Variants in IGFBPL1 observed in about 807,000 individuals in gnomAD.
IGFBPL1 encodes the protein insulin-like growth factor-binding protein-like 1.
Under a neutral mutation model 23.9 loss-of-function variants are expected in IGFBPL1, and 20 were observed. The ratio of observed to expected loss-of-function variants is 0.84; its 90% CI spans 0.59 to 1.22. The LOEUF (loss-of-function observed/expected upper bound fraction) is 1.22, where lower values mean the gene tolerates loss of function less well. IGFBPL1 is among the 50% of genes most tolerant of loss of function. The pLI, the probability that IGFBPL1 is intolerant of heterozygous loss-of-function variation, is 0.00. For missense variants in IGFBPL1, 436 were observed against 379.3 expected (o/e 1.15, Z -1.24); for synonymous variants, 184 against 171.8 (o/e 1.07, Z -0.56).
intron 1 of IGFBPL1, among the ~76,000 whole-genome samples, chr9:38,420,783 G>A (rs1821668651): frequency 6.6e-6 from 1 of 152,116 alleles, no homozygotes; most frequent in South Asian, 2.1e-4. Flanking sequence ...CTTGCAGTGA[G>A]CCAAGATCAC....
intron 1 of IGFBPL1, among the ~76,000 whole-genome samples, chr9:38,423,614 C>A (rs1821713057): frequency 6.6e-6 from 1 of 152,050 alleles, no homozygotes; most frequent in Non-Finnish European, 1.5e-5. Context: ...CCCATTCAAA[C>A]AATCCACCTA....
chr9:38,418,662 G>A (rs1345730732), intron 1 of IGFBPL1, among the ~76,000 whole-genome samples: 1 of 152,162 alleles, frequency 6.6e-6, no homozygotes, highest in Non-Finnish European at 1.5e-5. Flanking sequence ...GCTTGCAGGA[G>A]GGAGGATGGC....
intron 3 of IGFBPL1, among the ~76,000 whole-genome samples, chr9:38,412,054 G>A (rs1821520734): frequency 2.0e-5 from 3 of 152,148 alleles, no homozygotes; most frequent in Admixed American, 1.3e-4. Flanking sequence ...GGGTGGAGAA[G>A]AGTCACCAAG....
At chr9:38,422,957 T>G (rs571544830) in intron 1 of IGFBPL1, among the ~76,000 whole-genome samples, 1 of 152,226 alleles carries the variant, frequency 6.6e-6, no homozygotes, top group East Asian at 1.9e-4. Flanking sequence ...GTCTCTGGGC[T>G]CAGGCCAGAA....
chr9:38,417,313 C>G (rs969393875), intron 1 of IGFBPL1, among the ~76,000 whole-genome samples: 2 of 152,184 alleles, frequency 1.3e-5, no homozygotes, highest in Non-Finnish European at 2.9e-5. Flanking sequence ...CCTAGAGGAC[C>G]CTTCCACGTA....
chr9:38,414,296 A>G, intron 1 of IGFBPL1, 93 bp from the exon 2 acceptor site: 2 of 687,856 alleles, frequency 2.9e-6, no homozygotes, highest in South Asian at 1.8e-5. Flanking sequence ...GCCCGCTGTG[A>G]TGTCCTGACA....
intron 1 of IGFBPL1, among the ~76,000 whole-genome samples, chr9:38,415,694 A>G (rs1382881117): frequency 6.6e-6 from 1 of 152,128 alleles, no homozygotes; most frequent in East Asian, 1.9e-4. Flanking sequence ...CCACCTACGG[A>G]GCCAGGCCAT....
chr9:38,414,520 C>T (rs182790654), intron 1 of IGFBPL1, among the ~76,000 whole-genome samples: 2 of 152,276 alleles, frequency 1.3e-5, no homozygotes, highest in East Asian at 1.9e-4. Flanking sequence ...TTCCAGGCTC[C>T]GGCTGCCATC....
chr9:38,415,944 T>C (rs920706875), intron 1 of IGFBPL1, among the ~76,000 whole-genome samples: 2 of 152,098 alleles, frequency 1.3e-5, no homozygotes, highest in Admixed American at 1.3e-4. Context: ...TGAAGGGTGG[T>C]GCCCAACCCA....
At chr9:38,419,444 G>A (rs1821643590) in intron 1 of IGFBPL1, among the ~76,000 whole-genome samples, 1 of 152,012 alleles carries the variant, frequency 6.6e-6, no homozygotes, top group South Asian at 2.1e-4. Context: ...TGCCTCTCCT[G>A]GTTACCTGGT....
At chr9:38,417,688 G>A (rs1821620147) in intron 1 of IGFBPL1, among the ~76,000 whole-genome samples, 1 of 152,170 alleles carries the variant, frequency 6.6e-6, no homozygotes, top group South Asian at 2.1e-4. Flanking sequence ...ATCAGCCAAG[G>A]GAAAAAGTCA....
At chr9:38,420,427 G>GA (rs1821663531) in intron 1 of IGFBPL1, among the ~76,000 whole-genome samples, 1 of 152,204 alleles carries the variant, frequency 6.6e-6, no homozygotes, top group African/African-American at 2.4e-5. Context: ...CAAACCTTGG[G>GA]AAAAACAGGA....
chr9:38,409,762 T>C (rs928340484), intron 4 of IGFBPL1, among the ~76,000 whole-genome samples: 1 of 152,242 alleles, frequency 6.6e-6, no homozygotes, highest in African/African-American at 2.4e-5. Context: ...CTTTGTTGAA[T>C]TCCTATTTCA....
chr9:38,420,257 C>T (rs1353794577), intron 1 of IGFBPL1, among the ~76,000 whole-genome samples: 1 of 152,200 alleles, frequency 6.6e-6, no homozygotes, highest in African/African-American at 2.4e-5. Context: ...TCCTACCAGG[C>T]CTCGGCCCTA....
At chr9:38,417,227 A>G (rs1005046983) in intron 1 of IGFBPL1, among the ~76,000 whole-genome samples, 4 of 152,172 alleles carry the variant, frequency 2.6e-5, no homozygotes, top group Non-Finnish European at 2.9e-5. Context: ...TGTAGTGAGG[A>G]GGCTGTGAGC....
intron 2 of IGFBPL1, 29 bp from the exon 3 acceptor site, chr9:38,413,382 G>A: frequency 2.0e-6 from 3 of 1,475,876 alleles, no homozygotes; most frequent in Non-Finnish European, 2.8e-6. Flanking sequence ...CCAGGAGGGG[G>A]CTTAGAAAAA....
rs1345246146 is a variant in IGFBPL1, at chr9:38,407,503, A to C, written c.*1724T>G. Among the ~76,000 whole-genome samples the C allele has an allele frequency of 6.6e-6, 1 of 152,250 alleles. No homozygotes were observed. The highest frequency in any genetic ancestry group is 1.5e-5 in the Non-Finnish European group (1 of 68,038). ...TGGCAGGCTTACAGGCGGAAAGTTCACTTCCAACAAGGACTCCAAAATGTA... is the reference window on the plus strand; with the variant it reads ...TGGCAGGCTTACAGGCGGAAAGTTCCCTTCCAACAAGGACTCCAAAATGTA... On this transcript the variant is annotated 3_prime_UTR_variant, in exon 5 of 5. Transcript: ENST00000377694.
In IGFBPL1 at chr9:38,408,321, A is replaced by G. The variant is rs545669756; in HGVS notation, c.*906T>C. ...GGCATGCCTGTGGTCCCAGCTACTC[A>G]GGAGGCTGAGGTGGAACGATCACTC... On this transcript the variant is annotated 3_prime_UTR_variant, in exon 5 of 5. Coordinates refer to ENST00000377694, the MANE Select transcript of IGFBPL1 (RefSeq NM_001007563.3). Among the ~76,000 whole-genome samples the G allele has an allele frequency of 1.3e-4, 19 of 151,326 alleles. No homozygotes were observed. In the East Asian group the frequency reaches 3.1e-3, roughly 25 times the overall value.
At chr9:38,412,692 G>A (rs953416693) in intron 3 of IGFBPL1, among the ~76,000 whole-genome samples, 6 of 152,176 alleles carry the variant, frequency 3.9e-5, no homozygotes, top group Non-Finnish European at 8.8e-5. Context: ...TGCCGGCAGG[G>A]CTGCATTCTT....
Sources: gnomAD v4.1 joint callset for allele counts (sites outside exome capture counted in the v4.1 genomes callset) on GRCh38, gnomAD v4.1.1 for gene constraint, MANE v1.5 for transcripts, NCBI Gene and HGNC (gene_info 2026-07-23, HGNC 2026-07-21) for gene names.